The following RIT2 variants were observed in gnomAD, a reference collection of about 807,000 sequenced individuals.
The protein encoded by RIT2 is Ras like without CAAX 2.
RIT2 carries 24 observed loss-of-function variants against 23.7 expected under a neutral mutation model. That is an observed-to-expected ratio of 1.01 (90% CI 0.73 to 1.43). RIT2 has a LOEUF of 1.43. RIT2 is among the 40% of genes most tolerant of loss of function. The pLI is 0.00. For synonymous variants in RIT2, 107 were observed against 91.1 expected (o/e 1.17, Z -0.99); for missense variants, 236 against 266.9 (o/e 0.88, Z 0.81).
At position 42,887,556 on chromosome 18, in the gene RIT2, G is replaced by A. The variant is rs59916361; in HGVS notation, c.426+36016C>T. 8.5e-5 allele frequency among the ~76,000 whole-genome samples: 13 copies of A among 152,268 alleles called. No individual in the cohort carries two copies. In the South Asian group the frequency reaches 2.5e-3, roughly 29 times the overall value. On this transcript the variant is annotated intron_variant, in intron 4 of 4. Coordinates refer to ENST00000326695, the MANE Select transcript of RIT2 (RefSeq NM_002930.4). ...ATTCTCCTTCATTACTGGTGGAAGA[G>A]GGGGGAGGATGCAAAATGGTACAGT...
chr18:42,869,838 A>C (rs758700314), intron 4 of RIT2, among the ~76,000 whole-genome samples: 1 of 152,222 alleles, frequency 6.6e-6, no homozygotes, highest in Admixed American at 6.5e-5. Flanking sequence ...TGAATCCACA[A>C]GTCATGAGGG....
At chr18:42,833,679 C>G (rs1906522510) in intron 4 of RIT2, among the ~76,000 whole-genome samples, 2 of 152,040 alleles carry the variant, frequency 1.3e-5, no homozygotes, top group Non-Finnish European at 2.9e-5. Context: ...CCCAAGTTAT[C>G]TCAATTTCTT....
At chr18:42,764,562 G>C (rs1020203233) in intron 4 of RIT2, among the ~76,000 whole-genome samples, 1 of 152,174 alleles carries the variant, frequency 6.6e-6, no homozygotes. Flanking sequence ...TTTGAAGTGA[G>C]CCATTATCTT....
At chr18:42,870,355 C>T (rs1271183834) in intron 4 of RIT2, among the ~76,000 whole-genome samples, 1 of 152,096 alleles carries the variant, frequency 6.6e-6, no homozygotes, top group Non-Finnish European at 1.5e-5. Context: ...ATTCTCCTGC[C>T]TCAGCCTCCC....
chr18:42,967,312 T>C (rs971568293), intron 3 of RIT2, among the ~76,000 whole-genome samples: 6 of 152,058 alleles, frequency 3.9e-5, no homozygotes, highest in African/African-American at 1.4e-4. Context: ...TTTTTTTTCC[T>C]GAGTCAATAC....
intron 4 of RIT2, among the ~76,000 whole-genome samples, chr18:42,747,157 A>G (rs1162458095): frequency 6.6e-6 from 1 of 152,028 alleles, no homozygotes; most frequent in Non-Finnish European, 1.5e-5. Flanking sequence ...AAAACCCTAA[A>G]GACTCTTCCA....
chr18:43,087,343 G>C (rs1015522609), intron 1 of RIT2, among the ~76,000 whole-genome samples: 2 of 152,084 alleles, frequency 1.3e-5, no homozygotes, highest in African/African-American at 4.8e-5. Context: ...ATAATAACAC[G>C]TGGATGTGTT....
chr18:42,870,303 C>T (rs994677252), intron 4 of RIT2, among the ~76,000 whole-genome samples: 11 of 152,110 alleles, frequency 7.2e-5, no homozygotes, highest in African/African-American at 2.2e-4. Context: ...TACAGTGGTG[C>T]GATCTCGGCT....
chr18:42,863,254 CAG>C (rs1233464434), intron 4 of RIT2, among the ~76,000 whole-genome samples: 3 of 152,134 alleles, frequency 2.0e-5, no homozygotes, highest in South Asian at 2.1e-4. Context: ...TCTAATTTGG[CAG>C]AGTCTTCCTT....
rs1906730104 is a variant in RIT2, at chr18:42,840,355, T to C, written c.426+83217A>G. Among the ~76,000 whole-genome samples, 12 of 152,338 alleles carry C rather than the reference T, an allele frequency of 7.9e-5. No homozygotes were observed. In the South Asian group the frequency reaches 2.5e-3, roughly 32 times the overall value. ...TCCAACTGGGCATCTAGTGTTTTCA[T>C]TTGCTATTTCTGGCAACAAATGCCA... On this transcript the variant is annotated intron_variant, in intron 4 of 4. Coordinates refer to ENST00000326695, the MANE Select transcript of RIT2 (RefSeq NM_002930.4).
intron 2 of RIT2, among the ~76,000 whole-genome samples, chr18:42,987,182 G>GCGTA (rs1213120103): frequency 6.6e-6 from 1 of 152,138 alleles, no homozygotes; most frequent in East Asian, 1.9e-4. Flanking sequence ...GTATGTGTGT[G>GCGTA]CGTACGTATA....
At chr18:42,891,793 T>A (rs1908184119) in intron 4 of RIT2, among the ~76,000 whole-genome samples, 1 of 152,138 alleles carries the variant, frequency 6.6e-6, no homozygotes, top group South Asian at 2.1e-4. Flanking sequence ...GTGAAACTAT[T>A]CAGTATGACA....
chr18:42,840,604 C>A (rs113954289), intron 4 of RIT2, among the ~76,000 whole-genome samples: 1 of 152,136 alleles, frequency 6.6e-6, no homozygotes, highest in East Asian at 1.9e-4. Flanking sequence ...CAGGCTCAAG[C>A]GATTCTCTTG....
rs375183223 is a variant in RIT2 at position 42,986,216 on chromosome 18, T to C, written c.161-12069A>G. On this transcript the variant is annotated intron_variant, in intron 2 of 4. Coordinates refer to ENST00000326695, the MANE Select transcript of RIT2 (RefSeq NM_002930.4). ...CACCACGCCTGGCTAATTTTTGTAA[T>C]TTTTAGTAGAGATGGGGTTTCACCA... Among the ~76,000 whole-genome samples, 87 of 152,002 alleles carry C rather than the reference T, an allele frequency of 5.7e-4. No homozygotes were observed. In the East Asian group the frequency reaches 0.013, roughly 23 times the overall value.
At chr18:42,988,387 A>C (rs1461938322) in intron 2 of RIT2, among the ~76,000 whole-genome samples, 3 of 152,178 alleles carry the variant, frequency 2.0e-5, no homozygotes, top group African/African-American at 7.2e-5. Context: ...TCTCTAGTCT[A>C]TAACAATTGT....
rs761011709 is a variant in RIT2, at chr18:42,974,156, C to T, written c.161-9G>A. On this transcript the variant is annotated splice_polypyrimidine_tract_variant and intron_variant, in intron 2 of 4. Coordinates refer to ENST00000326695, the MANE Select transcript of RIT2 (RefSeq NM_002930.4). The stretch of plus-strand genomic sequence containing the variant: ...GGTCTTATAAGCATCTTCTGAAAAA[C>T]ACAAGACAACATTTACATTTAAATG... 1 of 1,590,566 alleles carries T rather than the reference C, an allele frequency of 6.3e-7. No individual in the cohort carries two copies. Among genetic ancestry groups the T allele is most frequent in the Non-Finnish European group, 8.6e-7 (1 of 1,160,496 alleles).
chr18:42,799,171 C>A (rs891020513), intron 4 of RIT2, among the ~76,000 whole-genome samples: 2 of 152,098 alleles, frequency 1.3e-5, no homozygotes, highest in Admixed American at 6.6e-5. Context: ...AAATGAAATT[C>A]TTTTCCCTAC....
At chr18:42,774,202 GTAT>G (rs1489939458) in intron 4 of RIT2, among the ~76,000 whole-genome samples, 1 of 152,100 alleles carries the variant, frequency 6.6e-6, no homozygotes, top group East Asian at 1.9e-4. Context: ...TGCAAGACTA[GTAT>G]TATTTTAATG....
At chr18:43,017,771 A>G (rs1046866463) in intron 2 of RIT2, among the ~76,000 whole-genome samples, 3 of 152,014 alleles carry the variant, frequency 2.0e-5, no homozygotes, top group Non-Finnish European at 2.9e-5. Flanking sequence ...TCAGTAAATC[A>G]TATGTAGAAA....
Sources: allele counts gnomAD v4.1 joint callset (sites outside exome capture counted in the v4.1 genomes callset), GRCh38; gene constraint gnomAD v4.1.1; transcripts MANE v1.5; gene names NCBI Gene and HGNC (gene_info 2026-07-23, HGNC 2026-07-21).